JPH2: variants seen among roughly 807,000 people sequenced by gnomAD.
The protein encoded by JPH2 is junctophilin 2, also known as junctophilin-2.
In JPH2, 38 loss-of-function variants were observed where a neutral mutation model predicts 55.9. The ratio of observed to expected loss-of-function variants is 0.68; its 90% CI spans 0.52 to 0.89. The LOEUF (loss-of-function observed/expected upper bound fraction) is 0.89. Ranked by LOEUF, JPH2 falls within the 40% of genes least tolerant of loss-of-function variation. The pLI is 0.00. For synonymous variants in JPH2, 480 were observed against 472.4 expected (o/e 1.02, Z -0.21); for missense variants, 964 against 1,037.6 (o/e 0.93, Z 0.97).
rs138602954 is a variant in JPH2, at chr20:44,110,225, TACAC to T, written c.*3289_*3292del. Among the ~76,000 whole-genome samples the T allele has an allele frequency of 2.0e-5, 3 of 150,014 alleles. No homozygotes were observed. Among genetic ancestry groups the T allele is most frequent in the East Asian group, 1.9e-4 (1 of 5,140 alleles). ...CCCCAACTCATCCAACACACACACA[TACAC>T]ACACACACACAGACACACCCCATCT... is the stretch of plus-strand genomic sequence containing the variant. On this transcript the variant is annotated 3_prime_UTR_variant, in exon 6 of 6. Transcript: ENST00000372980.
intron 2 of JPH2, among the ~76,000 whole-genome samples, chr20:44,140,458 T>G (rs4812789): frequency 0.23 from 34,824 of 152,106 alleles, 4,280 homozygotes; most frequent in African/African-American, 0.32. Context: ...GATGATGGTT[T>G]TGGCACCAGG....
At chr20:44,178,520 G>C (rs2071872019) in intron 1 of JPH2, among the ~76,000 whole-genome samples, 1 of 152,192 alleles carries the variant, frequency 6.6e-6, no homozygotes, top group South Asian at 2.1e-4. Context: ...CTCTCAAACT[G>C]ATCTATAGAT....
intron 2 of JPH2, among the ~76,000 whole-genome samples, chr20:44,129,552 C>CA (rs1208567536): frequency 0.014 from 620 of 45,020 alleles, 11 homozygotes; most frequent in African/African-American, 0.03. Flanking sequence ...CAGGCTGTCT[C>CA]AAAAAAAAAA....
At chr20:44,114,997 G>T (rs1310312142) in intron 4 of JPH2, 121 bp from the exon 5 acceptor site, 13 of 770,218 alleles carry the variant, frequency 1.7e-5, no homozygotes, top group Non-Finnish European at 2.7e-5. Flanking sequence ...GAGCATTGCC[G>T]GCTTTGTTCA....
At chr20:44,177,513 G>A (rs2072744322) in intron 1 of JPH2, 1 of 1,034,860 alleles carries the variant, frequency 9.7e-7, no homozygotes, top group South Asian at 3.5e-5. Context: ...CCGCTTTTCT[G>A]TTCTGCTAAG....
At chr20:44,150,687 AT>A (rs1214136651) in intron 2 of JPH2, among the ~76,000 whole-genome samples, 1 of 152,224 alleles carries the variant, frequency 6.6e-6, no homozygotes, top group African/African-American at 2.4e-5. Flanking sequence ...ATGTATATAG[AT>A]CATTGGAACA....
At chr20:44,152,525 A>G (rs1055380561) in intron 2 of JPH2, among the ~76,000 whole-genome samples, 3 of 152,234 alleles carry the variant, frequency 2.0e-5, no homozygotes, top group South Asian at 2.1e-4. Flanking sequence ...AAAAAGGGGG[A>G]AAAAAAGTTA....
At chr20:44,117,505 G>A (rs1186674966) in intron 3 of JPH2, among the ~76,000 whole-genome samples, 2 of 152,178 alleles carry the variant, frequency 1.3e-5, no homozygotes, top group Non-Finnish European at 2.9e-5. Context: ...ATCCCACCCA[G>A]CGCTATCTGG....
In JPH2 at chr20:44,110,501, T is replaced by C. The variant is rs1025088991; in HGVS notation, c.*3017A>G. On this transcript the variant is annotated 3_prime_UTR_variant, in exon 6 of 6. Coordinates refer to ENST00000372980, the MANE Select transcript of JPH2 (RefSeq NM_020433.5). Reference sequence around the variant, plus strand: ...GTGCAGTGGCTTGATCTTGGCTCACTGCAACCTCCGCCTCCAGGGTTCAAG... The same window carrying C: ...GTGCAGTGGCTTGATCTTGGCTCACCGCAACCTCCGCCTCCAGGGTTCAAG... Among the ~76,000 whole-genome samples, 3 of 152,076 alleles carry C rather than the reference T, an allele frequency of 2.0e-5. No individual in the cohort carries two copies. The highest frequency in any genetic ancestry group is 7.2e-5 in the African/African-American group (3 of 41,400).
rs964071919 is a variant in JPH2 at position 44,160,874 on chromosome 20, A to T, written c.380-467T>A. Among the ~76,000 whole-genome samples the T allele has an allele frequency of 1.3e-5, 2 of 152,170 alleles. No homozygotes were observed. Among genetic ancestry groups the T allele is most frequent in the African/African-American group, 2.4e-5 (1 of 41,450 alleles). On this transcript the variant is annotated intron_variant, in intron 1 of 5. Transcript: ENST00000372980. The surrounding 1 kb of genome is among the most constrained non-coding windows in gnomAD (Gnocchi z 4.9). ...GGAGGCGGATGGATCGCTTGAGCTC[A>T]GGAGTTCAAGACCAACCTGGGCAAC...
Position 44,112,932 on chromosome 20 carries a change from C to T in JPH2, c.*586G>A, listed in dbSNP as rs897513650. 2.6e-5 allele frequency: 4 copies of T among 152,442 alleles called. No homozygotes were observed. The highest frequency in any genetic ancestry group is 7.2e-5 in the African/African-American group (3 of 41,454). 9.4% of individuals were successfully genotyped at this position (152,442 alleles called of 1,614,324 possible). ...CTGGGATATTCAAACTGACCTTGTC[C>T]ATTTCCTCTACTGTCATCCAGAACA... On this transcript the variant is annotated 3_prime_UTR_variant, in exon 6 of 6. Coordinates refer to ENST00000372980, the MANE Select transcript of JPH2 (RefSeq NM_020433.5).
At chr20:44,181,026 G>A (rs2072778684) in intron 1 of JPH2, among the ~76,000 whole-genome samples, 3 of 152,022 alleles carry the variant, frequency 2.0e-5, no homozygotes, top group Admixed American at 6.5e-5. Context: ...ATATGGCCAG[G>A]GGAGGAATGA....
Position 44,186,499 on chromosome 20 carries a change from C to T in JPH2, c.207G>A (p.Arg69=). The T allele has an allele frequency of 6.2e-7, 1 of 1,614,136 alleles. No individual in the cohort carries two copies. The highest frequency in any genetic ancestry group is 2.2e-5 in the East Asian group (1 of 44,874). ...TFEGYWSQGK[R]HGLGIETKGR... ...CCTTGGTCTCTATGCCCAGCCCATG[C>T]CGTTTGCCCTGGCTCCAGTATCCCT... Residue 69 remains arginine, a synonymous_variant, in exon 1 of 6, where the codon CGG becomes CGA. Coordinates refer to ENST00000372980, the MANE Select transcript of JPH2 (RefSeq NM_020433.5).
At position 44,111,407 on chromosome 20, in the gene JPH2, G is replaced by A. The variant is rs114560127; in HGVS notation, c.*2111C>T. 7.5e-4 allele frequency among the ~76,000 whole-genome samples: 114 copies of A among 152,286 alleles called. No homozygotes were observed. The highest frequency in any genetic ancestry group is 2.3e-3 in the African/African-American group (96 of 41,550). On this transcript the variant is annotated 3_prime_UTR_variant, in exon 6 of 6. Coordinates refer to ENST00000372980, the MANE Select transcript of JPH2 (RefSeq NM_020433.5). ...TGAGGCTCAGAGAAGCGAAGAAAGT[G>A]GCTGGGCTAGCATTGGAGGCTGGGG... is the stretch of plus-strand genomic sequence containing the variant.
chr20:44,162,287 T>TTCCCTCTTCC (rs551167681), intron 1 of JPH2, among the ~76,000 whole-genome samples: 122 of 152,328 alleles, frequency 8.0e-4, no homozygotes, highest in African/African-American at 2.9e-3. Context: ...TGCACTGCTC[T>TTCCCTCTTCC]TCCCTCTTCC....
chr20:44,178,830 C>CAAAT (rs1217345168), intron 1 of JPH2, among the ~76,000 whole-genome samples: 3 of 152,050 alleles, frequency 2.0e-5, no homozygotes, highest in Non-Finnish European at 2.9e-5. Flanking sequence ...TTCTATTATG[C>CAAAT]AAATAAATAA....
At chr20:44,151,329 C>A (rs1017899691) in intron 2 of JPH2, among the ~76,000 whole-genome samples, 10 of 152,242 alleles carry the variant, frequency 6.6e-5, no homozygotes, top group African/African-American at 9.6e-5. Flanking sequence ...CCAGCCTGGC[C>A]AAAATGGACA....
At chr20:44,136,896 AAGGATTTACT>A in intron 2 of JPH2, among the ~76,000 whole-genome samples, 1 of 152,290 alleles carries the variant, frequency 6.6e-6, no homozygotes, top group East Asian at 1.9e-4. Context: ...CAGTTGTGAC[AAGGATTTACT>A]AGGCACCTAA....
chr20:44,119,173 T>C (rs1358417390), intron 2 of JPH2, among the ~76,000 whole-genome samples: 7 of 152,242 alleles, frequency 4.6e-5, no homozygotes, highest in Non-Finnish European at 1.0e-4. Context: ...AAAATAATAA[T>C]CTATATCTTT....
Sources: gnomAD v4.1 joint callset for allele counts (sites outside exome capture counted in the v4.1 genomes callset) on GRCh38, gnomAD v4.1.1 for gene constraint, Gnocchi (gnomAD v3.1) non-coding constraint, MANE v1.5 for transcripts, NCBI Gene and HGNC (gene_info 2026-07-23, HGNC 2026-07-21) for gene names.